Variants in OLFM3 observed in about 807,000 individuals in gnomAD.
OLFM3 encodes the protein olfactomedin 3.
A neutral mutation model predicts 48.6 loss-of-function variants in OLFM3; 20 were observed. The ratio of observed to expected loss-of-function variants is 0.41; its 90% confidence interval spans 0.29 to 0.60. The LOEUF is 0.60. OLFM3 is among the 20% of genes least tolerant of loss of function. OLFM3 has a pLI of 0.28. For missense variants in OLFM3, 437 were observed against 544.3 expected (o/e 0.80, Z 1.96); for synonymous variants, 222 against 198.1 (o/e 1.12, Z -1.01).
At chr1:101,848,703 T>A (rs193256658) in intron 1 of OLFM3, among the ~76,000 whole-genome samples, 1 of 152,276 alleles carries the variant, frequency 6.6e-6, no homozygotes, top group East Asian at 1.9e-4. Context: ...TATTACAATG[T>A]GTTAATGACA....
chr1:101,917,086 G>T (rs1300163723), intron 1 of OLFM3, among the ~76,000 whole-genome samples: 1 of 151,970 alleles, frequency 6.6e-6, no homozygotes. Flanking sequence ...TTTATTTGAG[G>T]CTATTTATGT....
intron 1 of OLFM3, among the ~76,000 whole-genome samples, chr1:101,850,494 A>G (rs936108856): frequency 1.3e-5 from 2 of 152,008 alleles, no homozygotes; most frequent in Non-Finnish European, 2.9e-5. Flanking sequence ...TTTTTCTTTT[A>G]TTTGTAGAAC....
chr1:101,959,337 CTTTT>C (rs34790874), intron 1 of OLFM3, among the ~76,000 whole-genome samples: 1 of 105,998 alleles, frequency 9.4e-6, no homozygotes, highest in African/African-American at 3.4e-5. Flanking sequence ...TCCTCCCCTC[CTTTT>C]TTTTTTTTTT....
intron 4 of OLFM3, among the ~76,000 whole-genome samples, chr1:101,810,630 AGTAGATGAAAATG>A (rs1654003738): frequency 6.6e-6 from 1 of 151,928 alleles, no homozygotes; most frequent in Non-Finnish European, 1.5e-5. Flanking sequence ...GGGACCAGGA[AGTAGATGAAAATG>A]GAAGATGTGA....
intron 1 of OLFM3, among the ~76,000 whole-genome samples, chr1:101,940,079 C>T (rs1481069269): frequency 6.6e-6 from 1 of 151,892 alleles, no homozygotes; most frequent in Non-Finnish European, 1.5e-5. Flanking sequence ...TTCATATGGG[C>T]CAGTAGGAGT....
In OLFM3 at chr1:101,983,812, C is replaced by T. The variant is rs1294198504; in HGVS notation, c.69+12936G>A. Among the ~76,000 whole-genome samples the T allele has an allele frequency of 4.6e-5, 7 of 152,290 alleles. No homozygotes were observed. The East Asian group carries it at 9.6e-4, about 21-fold the overall frequency. ...AAACCCTGTGTCACTAAGCAATCATCATTTATTTGTCTGTTCTATATGAAA... is the reference window on the plus strand; with the variant it reads ...AAACCCTGTGTCACTAAGCAATCATTATTTATTTGTCTGTTCTATATGAAA... On this transcript the variant is annotated intron_variant, in intron 1 of 5. Coordinates refer to ENST00000370103, the MANE Select transcript of OLFM3 (RefSeq NM_058170.4).
At chr1:101,891,242 T>C (rs1056970489) in intron 1 of OLFM3, among the ~76,000 whole-genome samples, 7 of 151,986 alleles carry the variant, frequency 4.6e-5, no homozygotes, top group African/African-American at 1.4e-4. Context: ...CATGAATCAT[T>C]AACTTAGTAT....
chr1:101,852,355 A>C (rs1656255132), intron 1 of OLFM3, among the ~76,000 whole-genome samples: 1 of 152,098 alleles, frequency 6.6e-6, no homozygotes, highest in Non-Finnish European at 1.5e-5. Flanking sequence ...CTAGCAGTCA[A>C]TTCTCAGTCC....
chr1:101,888,282 G>T (rs1483954649), intron 1 of OLFM3, among the ~76,000 whole-genome samples: 1 of 152,100 alleles, frequency 6.6e-6, no homozygotes, highest in Admixed American at 6.6e-5. Context: ...AAACAGCATG[G>T]TACTGGTACC....
intron 3 of OLFM3, 55 bp from the exon 4 acceptor site, chr1:101,825,300 C>G (rs1557689831): frequency 7.5e-7 from 1 of 1,340,510 alleles, no homozygotes. Context: ...TCATGCTGCT[C>G]TGTTCTTTTT....
rs185053941 is a variant in OLFM3 at position 101,951,571 on chromosome 1, G to A, written c.69+45177C>T. On this transcript the variant is annotated intron_variant, in intron 1 of 5. Coordinates refer to ENST00000370103, the MANE Select transcript of OLFM3 (RefSeq NM_058170.4). Reference sequence around the variant, plus strand: ...TGCCTCAGAATTCTGAAGGTTCTTAGGTTCTATTTTTTCCCTAATACTTAG... The same window carrying A: ...TGCCTCAGAATTCTGAAGGTTCTTAAGTTCTATTTTTTCCCTAATACTTAG... Among the ~76,000 whole-genome samples the A allele has an allele frequency of 4.7e-3, 715 of 152,184 alleles. 6 individuals are homozygous for A. The highest frequency in any genetic ancestry group is 0.017 in the African/African-American group (686 of 41,540).
intron 1 of OLFM3, among the ~76,000 whole-genome samples, chr1:101,944,178 C>T (rs115806104): frequency 7.5e-4 from 113 of 151,620 alleles, no homozygotes; most frequent in African/African-American, 2.3e-3. Context: ...ATTTTATTAT[C>T]ACATATAAAT....
intron 1 of OLFM3, among the ~76,000 whole-genome samples, chr1:101,959,337 C>CTT (rs34790874): frequency 3.1e-4 from 33 of 105,992 alleles, no homozygotes; most frequent in African/African-American, 2.7e-4. Context: ...TCCTCCCCTC[C>CTT]TTTTTTTTTT....
chr1:101,842,130 A>G (rs957081832), intron 1 of OLFM3, among the ~76,000 whole-genome samples: 1 of 152,180 alleles, frequency 6.6e-6, no homozygotes, highest in African/African-American at 2.4e-5. Context: ...AATTCTTAGG[A>G]CTGAATAAGA....
intron 1 of OLFM3, among the ~76,000 whole-genome samples, chr1:101,940,922 G>A (rs552555392): frequency 1.3e-5 from 2 of 152,140 alleles, no homozygotes; most frequent in Admixed American, 6.5e-5. Flanking sequence ...TGATATTTGA[G>A]GTTACAACAC....
intron 1 of OLFM3, among the ~76,000 whole-genome samples, chr1:101,960,601 G>C (rs1171456660): frequency 5.9e-5 from 9 of 152,166 alleles, no homozygotes; most frequent in Admixed American, 5.9e-4. Flanking sequence ...TCCTAACAGA[G>C]TACTCTTAGC....
chr1:101,925,925 C>T (rs1456696256), intron 1 of OLFM3, among the ~76,000 whole-genome samples: 1 of 152,084 alleles, frequency 6.6e-6, no homozygotes, highest in Non-Finnish European at 1.5e-5. Flanking sequence ...TGGCTTAGCC[C>T]ATGGTGGATT....
Position 101,804,702 on chromosome 1 carries a change from G to C in OLFM3, c.913C>G (p.Gln305Glu). ...AAACCAGCATACTCCAGGCTTCGTT[G>C]GGCAAGCACTCTCCCCATATCAAAG... ...YSFDMGRVLAQRSLEYAGFHN... is the reference protein window; with the variant it reads ...YSFDMGRVLAERSLEYAGFHN... Residue 305 changes from glutamine (Q) to glutamate (E), a missense_variant, in exon 6 of 6, where the codon CAA (glutamine) becomes GAA (glutamate). Gln to Glu is a conservative substitution (Grantham distance 29). This residue lies in a region of OLFM3 where 314 missense variants were observed against 365.5 expected (regional missense o/e 0.86). Coordinates refer to ENST00000370103, the MANE Select transcript of OLFM3 (RefSeq NM_058170.4). This position sits in a 1 kb window ranked among gnomAD's most constrained non-coding sequence, Gnocchi z 4.5. 6.2e-7 allele frequency: 1 copy of C among 1,612,518 alleles called. No homozygotes were observed. Among genetic ancestry groups the C allele is most frequent in the Non-Finnish European group, 8.5e-7 (1 of 1,179,128 alleles).
At chr1:101,890,581 C>A (rs2101004208) in intron 1 of OLFM3, among the ~76,000 whole-genome samples, 1 of 151,996 alleles carries the variant, frequency 6.6e-6, no homozygotes, top group South Asian at 2.1e-4. Flanking sequence ...TTTGTGAATT[C>A]TTTAAAAAGG....
Sources: gnomAD v4.1 joint callset for allele counts (sites outside exome capture counted in the v4.1 genomes callset) on GRCh38, gnomAD v4.1.1 for gene constraint, gnomAD v4.1.1 regional missense constraint, Gnocchi (gnomAD v3.1) non-coding constraint, MANE v1.5 for transcripts, NCBI Gene and HGNC (gene_info 2026-07-23, HGNC 2026-07-21) for gene names.